Variants in NF1 observed in about 807,000 individuals in gnomAD.
NF1 encodes the protein neurofibromin.
In NF1, 122 loss-of-function variants were observed where a neutral mutation model predicts 325.7. The observed-to-expected ratio is 0.37, with a 90% CI of 0.32 to 0.44. The LOEUF (loss-of-function observed/expected upper bound fraction) is 0.44, where lower values mean the gene tolerates loss of function less well. Among genes scored for constraint, NF1 ranks in the 20% least tolerant of loss-of-function variants. The pLI is 1.00. For synonymous variants in NF1, 1,091 were observed against 1,186.0 expected (o/e 0.92, Z 1.65); for missense variants, 2,140 against 3,415.4 (o/e 0.63, Z 9.31).
At chr17:31,192,081 G>T (rs2066353234) in intron 8 of NF1, among the ~76,000 whole-genome samples, 1 of 152,028 alleles carries the variant, frequency 6.6e-6, no homozygotes, top group Non-Finnish European at 1.5e-5. Flanking sequence ...TTTTTAAAAA[G>T]AAATATTTGA....
At position 31,182,650 on chromosome 17, in the gene NF1, A is replaced by C. The variant is rs754915138; in HGVS notation, c.873A>C (p.Glu291Asp). 36 of 1,613,458 alleles carry C rather than the reference A, an allele frequency of 2.2e-5. No individual in the cohort carries two copies. The highest frequency in any genetic ancestry group is 3.1e-5 in the Non-Finnish European group (36 of 1,179,794). ...IQDISKDVVD[E>D]NNMNKKLFLD... ...ATATATCCAAAGACGTGGTTGATGA[A>C]AACAACATGAATAAGGTAAGGAGGG... The change falls in exon 8 of 58, where the codon GAA (glutamate) becomes GAC (aspartate). Residue 291 changes from glutamate (E) to aspartate (D), a missense_variant. Coordinates refer to ENST00000358273, the MANE Select transcript of NF1 (RefSeq NM_001042492.3).
In NF1 at chr17:31,095,411, G is replaced by C. The variant is rs1356668986; in HGVS notation, c.60+42G>C. The C allele has an allele frequency of 2.6e-6, 4 of 1,529,314 alleles. No individual in the cohort carries two copies. In the South Asian group the frequency reaches 3.6e-5, roughly 14 times the overall value. 94.7% of individuals were successfully genotyped at this position (1,529,314 alleles called of 1,614,324 possible). ...GGGCGGGAGGTGGGAGCGGAGTGGG[G>C]GTGGGGACAGAGTAGGTGAGGGGAG... On this transcript the variant is annotated intron_variant, in intron 1 of 57. Coordinates refer to ENST00000358273, the MANE Select transcript of NF1 (RefSeq NM_001042492.3).
chr17:31,175,099 C>T (rs2065995416), intron 5 of NF1, among the ~76,000 whole-genome samples: 1 of 102,204 alleles, frequency 9.8e-6, no homozygotes, highest in African/African-American at 3.7e-5. Flanking sequence ...CAGAGCAAGA[C>T]TCCATCTCAA....
intron 3 of NF1, among the ~76,000 whole-genome samples, chr17:31,162,873 A>T (rs957298912): frequency 5.9e-5 from 9 of 152,178 alleles, no homozygotes; most frequent in African/African-American, 2.2e-4. Flanking sequence ...ACTCACAGCA[A>T]ACTGGGGATT....
At chr17:31,138,507 A>T (rs945301893) in intron 1 of NF1, 1 of 151,456 alleles carries the variant, frequency 6.6e-6, no homozygotes, top group Non-Finnish European at 1.5e-5. Context: ...CAGGTGATCC[A>T]CCCGCCTGGG....
chr17:31,226,334 C>A (rs2067012299), intron 17 of NF1, 101 bp from the exon 18 acceptor site: 5 of 1,335,046 alleles, frequency 3.7e-6, no homozygotes, highest in Non-Finnish European at 5.2e-6. Context: ...CACACACACA[C>A]ACACACACAC....
intron 36 of NF1, among the ~76,000 whole-genome samples, chr17:31,273,863 T>C (rs2067951555): frequency 1.3e-5 from 2 of 152,334 alleles, no homozygotes; most frequent in Non-Finnish European, 1.5e-5. Flanking sequence ...CCTCTTACCA[T>C]GTATACATTA....
At chr17:31,355,380 A>C (rs1201266875) in intron 51 of NF1, among the ~76,000 whole-genome samples, 2 of 152,094 alleles carry the variant, frequency 1.3e-5, no homozygotes, top group East Asian at 1.9e-4. Context: ...ATCAGTGTAC[A>C]TGTGCATGAA....
At chr17:31,117,533 C>T (rs1914037569) in intron 1 of NF1, among the ~76,000 whole-genome samples, 1 of 150,536 alleles carries the variant, frequency 6.6e-6, no homozygotes, top group African/African-American at 2.4e-5. Flanking sequence ...ATTAGCTGGG[C>T]GTGGTGGCGG....
chr17:31,110,682 C>G (rs570500207), intron 1 of NF1, among the ~76,000 whole-genome samples: 9 of 151,946 alleles, frequency 5.9e-5, no homozygotes, highest in Non-Finnish European at 5.9e-5. Context: ...TTTAAAATAA[C>G]TATAATATAC....
intron 5 of NF1, among the ~76,000 whole-genome samples, chr17:31,174,771 T>C (rs980751501): frequency 6.6e-6 from 1 of 152,148 alleles, no homozygotes; most frequent in Non-Finnish European, 1.5e-5. Flanking sequence ...TAAAAATACA[T>C]GATATGTTTT....
At chr17:31,281,478 A>G (rs1421253525) in intron 36 of NF1, among the ~76,000 whole-genome samples, 1 of 152,232 alleles carries the variant, frequency 6.6e-6, no homozygotes, top group Non-Finnish European at 1.5e-5. Flanking sequence ...CTGGTTAATC[A>G]TCTTAAATCA....
intron 36 of NF1, among the ~76,000 whole-genome samples, chr17:31,292,133 A>G (rs745324954): frequency 3.9e-5 from 6 of 152,242 alleles, no homozygotes; most frequent in Non-Finnish European, 7.3e-5. Context: ...TAACTTGTCT[A>G]TGGTCATACA....
chr17:31,334,678 C>G, intron 39 of NF1, 160 bp from the exon 40 acceptor site: 1 of 633,128 alleles, frequency 1.6e-6, no homozygotes, highest in Non-Finnish European at 2.7e-6. Context: ...GTTCTTTCTT[C>G]GCCTCTACAA....
intron 8 of NF1, chr17:31,182,960 C>CT: frequency 1.7e-6 from 1 of 586,630 alleles, no homozygotes; most frequent in Non-Finnish European, 3.0e-6. Context: ...CGTAGTTTCT[C>CT]TAATATTCAC....
At chr17:31,247,554 A>G (rs543565880) in intron 29 of NF1, among the ~76,000 whole-genome samples, 2 of 152,320 alleles carry the variant, frequency 1.3e-5, no homozygotes, top group East Asian at 3.9e-4. Flanking sequence ...GTTTTACTCA[A>G]CTGCTAGATT....
intron 8 of NF1, among the ~76,000 whole-genome samples, chr17:31,197,545 G>C (rs888893350): frequency 5.4e-4 from 82 of 151,792 alleles, no homozygotes; most frequent in African/African-American, 2.0e-3. Flanking sequence ...TAATTCCTAT[G>C]TATTTTATTT....
intron 8 of NF1, among the ~76,000 whole-genome samples, chr17:31,192,139 A>G (rs2066354678): frequency 7.2e-5 from 11 of 152,202 alleles, no homozygotes. Context: ...TAACATTTTT[A>G]TATTTTGCTC....
At chr17:31,231,728 CT>C (rs1239566055) in intron 24 of NF1, among the ~76,000 whole-genome samples, 4 of 151,908 alleles carry the variant, frequency 2.6e-5, no homozygotes, top group African/African-American at 9.7e-5. Context: ...TGAAACCCTC[CT>C]TTTTTTTCCC....
Sources: allele counts gnomAD v4.1 joint callset (sites outside exome capture counted in the v4.1 genomes callset), GRCh38; gene constraint gnomAD v4.1.1; transcripts MANE v1.5; gene names NCBI Gene and HGNC (gene_info 2026-07-23, HGNC 2026-07-21).